The following ACTR3C variants were observed in gnomAD, a reference collection of about 807,000 sequenced individuals.
ACTR3C encodes actin-related protein 3C.
Under a neutral mutation model 26.3 loss-of-function variants are expected in ACTR3C, and 18 were observed. The observed-to-expected ratio is 0.68, with a 90% CI of 0.47 to 1.01. The LOEUF (loss-of-function observed/expected upper bound fraction) is 1.01, where lower values mean the gene tolerates loss of function less well. Ranked by LOEUF, ACTR3C falls within the 50% of genes least tolerant of loss-of-function variation. The pLI, the probability that ACTR3C is intolerant of heterozygous loss-of-function variation, is 0.00. For missense variants in ACTR3C, 184 were observed against 250.7 expected (o/e 0.73, Z 1.80); for synonymous variants, 55 against 94.5 (o/e 0.58, Z 2.42).
the ACTR3C span, among the ~76,000 whole-genome samples, chr7:150,032,000 G>T: frequency 6.6e-6 from 1 of 152,208 alleles, no homozygotes; most frequent in Non-Finnish European, 1.5e-5. Context: ...GTGATGGGAG[G>T]TGTCCCTGCT....
At chr7:150,229,533 G>A in the ACTR3C span, among the ~76,000 whole-genome samples, 1 of 151,868 alleles carries the variant, frequency 6.6e-6, no homozygotes, top group African/African-American at 2.4e-5. Flanking sequence ...CACCCAGGCT[G>A]GAGTGCAGTG....
the ACTR3C span, among the ~76,000 whole-genome samples, chr7:150,059,767 G>T: frequency 6.6e-6 from 1 of 152,216 alleles, no homozygotes; most frequent in Non-Finnish European, 1.5e-5. Flanking sequence ...CATCATAAGA[G>T]CCAGTTTGGA....
the ACTR3C span, among the ~76,000 whole-genome samples, chr7:150,155,246 A>G: frequency 6.6e-6 from 1 of 152,050 alleles, no homozygotes; most frequent in Non-Finnish European, 1.5e-5. Context: ...GGCGGTAAAA[A>G]CACCACCGAA....
chr7:150,243,154 C>A (rs1350573912), downstream of ACTR3C, among the ~76,000 whole-genome samples: 1 of 152,152 alleles, frequency 6.6e-6, no homozygotes, highest in African/African-American at 2.4e-5. Context: ...GATTAGTAAA[C>A]GTGGTATCAG....
the ACTR3C span, among the ~76,000 whole-genome samples, chr7:149,966,703 G>A: frequency 9.8e-5 from 15 of 152,286 alleles, no homozygotes; most frequent in South Asian, 1.9e-3. Flanking sequence ...ACTAAGGAAC[G>A]ACCTTGAGGA....
intron 1 of ACTR3C, among the ~76,000 whole-genome samples, chr7:150,309,831 G>A (rs1796143679): frequency 1.3e-5 from 2 of 152,168 alleles, no homozygotes; most frequent in Admixed American, 1.3e-4. Context: ...GACTGATGCT[G>A]CCCGATCACC....
chr7:150,136,003 A>G, the ACTR3C span, among the ~76,000 whole-genome samples: 5 of 152,128 alleles, frequency 3.3e-5, no homozygotes, highest in African/African-American at 1.2e-4. Flanking sequence ...CCCTGTCATG[A>G]TGAAGAAATC....
At chr7:150,028,882 GCTTT>G in the ACTR3C span, among the ~76,000 whole-genome samples, 5 of 152,174 alleles carry the variant, frequency 3.3e-5, no homozygotes, top group Non-Finnish European at 7.3e-5. Flanking sequence ...TGCCTTTTCT[GCTTT>G]CTTAGAGGTA....
At chr7:150,172,028 T>C in the ACTR3C span, among the ~76,000 whole-genome samples, 1 of 150,668 alleles carries the variant, frequency 6.6e-6, no homozygotes, top group Non-Finnish European at 1.5e-5. Flanking sequence ...GCCAGGATGG[T>C]CTCGATCTCC....
chr7:149,976,747 T>G, the ACTR3C span, among the ~76,000 whole-genome samples: 1 of 152,012 alleles, frequency 6.6e-6, no homozygotes, highest in African/African-American at 2.4e-5. Flanking sequence ...GAGTTCAAAC[T>G]TGAGAGTGAA....
chr7:150,087,726 C>G, the ACTR3C span, among the ~76,000 whole-genome samples: 2 of 152,312 alleles, frequency 1.3e-5, no homozygotes, highest in African/African-American at 4.8e-5. Context: ...ACAGCCTCAA[C>G]AGGACTGAGC....
the ACTR3C span, among the ~76,000 whole-genome samples, chr7:150,019,842 A>G: frequency 6.6e-5 from 10 of 152,098 alleles, no homozygotes; most frequent in Non-Finnish European, 7.3e-5. Flanking sequence ...CAACAGACTC[A>G]TTGGAATAAA....
At chr7:149,924,360 A>C in the ACTR3C span, among the ~76,000 whole-genome samples, 1 of 151,890 alleles carries the variant, frequency 6.6e-6, no homozygotes. Context: ...GGGCAACAAG[A>C]GTGAAACTCT....
chr7:150,107,577 C>T, the ACTR3C span, among the ~76,000 whole-genome samples: 808 of 151,998 alleles, frequency 5.3e-3, 24 homozygotes, highest in African/African-American at 0.019. Flanking sequence ...AGACTGCTGC[C>T]GTGAAGCAGG....
intron 5 of ACTR3C, among the ~76,000 whole-genome samples, chr7:150,285,838 T>A (rs1835731753): frequency 6.6e-6 from 1 of 152,194 alleles, no homozygotes; most frequent in African/African-American, 2.4e-5. Context: ...GACTACTAGT[T>A]AAAATGATGA....
the ACTR3C span, among the ~76,000 whole-genome samples, chr7:150,174,095 T>A: frequency 5.0e-5 from 7 of 139,594 alleles, no homozygotes; most frequent in East Asian, 1.4e-3. Context: ...CCAGTTCCAA[T>A]GTCACTTCCA....
At chr7:150,190,873 C>G in the ACTR3C span, among the ~76,000 whole-genome samples, 1 of 151,994 alleles carries the variant, frequency 6.6e-6, no homozygotes, top group African/African-American at 2.4e-5. Flanking sequence ...CTTCATGTGA[C>G]GGCAGCAAGG....
chr7:150,308,318 C>A (rs752149533), intron 1 of ACTR3C, among the ~76,000 whole-genome samples: 4 of 152,148 alleles, frequency 2.6e-5, no homozygotes, highest in Non-Finnish European at 4.4e-5. Context: ...AAACTCTCAC[C>A]TGACCTAAAA....
At chr7:149,996,294 G>C in the ACTR3C span, among the ~76,000 whole-genome samples, 1 of 150,892 alleles carries the variant, frequency 6.6e-6, no homozygotes. Flanking sequence ...AGGTCTGGGA[G>C]ACGGCGGAGG....
Sources: allele counts gnomAD v4.1 joint callset (sites outside exome capture counted in the v4.1 genomes callset), GRCh38; gene constraint gnomAD v4.1.1; transcripts MANE v1.5; gene names NCBI Gene and HGNC (gene_info 2026-07-23, HGNC 2026-07-21).